Variants in ANXA13 observed in about 807,000 individuals in gnomAD.
ANXA13 encodes the protein annexin A13.
In ANXA13, 36 loss-of-function variants were observed where a neutral mutation model predicts 46.6. The observed-to-expected ratio is 0.77, with a 90% CI of 0.59 to 1.02. The LOEUF (loss-of-function observed/expected upper bound fraction) is 1.02, where lower values mean the gene tolerates loss of function less well. ANXA13 is among the 50% of genes least tolerant of loss of function. The probability of loss-of-function intolerance (pLI) is 0.00; values close to 1 mark genes in which losing one functional copy is unlikely to be tolerated. For synonymous variants in ANXA13, 163 were observed against 152.9 expected, an observed-to-expected ratio of 1.07 and a Z score of -0.49; for missense variants, 417 against 396.5, an observed-to-expected ratio of 1.05 and a Z score of -0.44.
At chr8:123,718,082 T>C (rs1160076171) in intron 1 of ANXA13, among the ~76,000 whole-genome samples, 3 of 152,338 alleles carry the variant, frequency 2.0e-5, no homozygotes, top group East Asian at 1.9e-4. Context: ...TTTTTTCGGA[T>C]CTCACTTAGA....
chr8:123,692,079 C>G (rs924445635), intron 8 of ANXA13, among the ~76,000 whole-genome samples: 5 of 152,222 alleles, frequency 3.3e-5, no homozygotes, highest in Non-Finnish European at 7.3e-5. Flanking sequence ...GGCTTATATA[C>G]AGTCATGATA....
At chr8:123,723,895 G>A (rs554312874) in intron 1 of ANXA13, among the ~76,000 whole-genome samples, 71 of 152,288 alleles carry the variant, frequency 4.7e-4, no homozygotes, top group Non-Finnish European at 7.9e-4. Context: ...CTTGGTAAAT[G>A]TTATCTTCTT....
chr8:123,734,544 C>T (rs567512035), intron 1 of ANXA13, among the ~76,000 whole-genome samples: 18 of 151,932 alleles, frequency 1.2e-4, no homozygotes, highest in Admixed American at 2.6e-4. Context: ...TTAATAGTGG[C>T]AAAAGAATTG....
intron 1 of ANXA13, among the ~76,000 whole-genome samples, chr8:123,732,875 A>G (rs141483517): frequency 2.0e-5 from 3 of 152,210 alleles, no homozygotes; most frequent in East Asian, 1.9e-4. Flanking sequence ...ACTTTCTGGG[A>G]TAATAGATTT....
intron 1 of ANXA13, among the ~76,000 whole-genome samples, chr8:123,724,309 C>A (rs1813941019): frequency 6.6e-6 from 1 of 152,082 alleles, no homozygotes; most frequent in Non-Finnish European, 1.5e-5. Context: ...AGGAAAGTGA[C>A]CTTGCCAAGA....
At chr8:123,729,656 A>G (rs1586342414) in intron 1 of ANXA13, among the ~76,000 whole-genome samples, 1 of 152,164 alleles carries the variant, frequency 6.6e-6, no homozygotes, top group Non-Finnish European at 1.5e-5. Context: ...TTGCTAATAC[A>G]TCCAGAGTAT....
chr8:123,703,745 C>T (rs1485290008), intron 2 of ANXA13, among the ~76,000 whole-genome samples: 1 of 152,050 alleles, frequency 6.6e-6, no homozygotes, highest in African/African-American at 2.4e-5. Flanking sequence ...GCTTTTTTAC[C>T]CCTGATGCTC....
chr8:123,693,520 C>T (rs1313710120), intron 7 of ANXA13, among the ~76,000 whole-genome samples, 191 bp downstream of exon 7: 2 of 152,008 alleles, frequency 1.3e-5, no homozygotes, highest in African/African-American at 2.4e-5. Context: ...GTGGTCAACC[C>T]CAGAGTATAA....
chr8:123,735,176 G>A (rs1025275835), intron 1 of ANXA13, among the ~76,000 whole-genome samples: 1 of 149,436 alleles, frequency 6.7e-6, no homozygotes, highest in Non-Finnish European at 1.5e-5. Context: ...GTTGAGCACA[G>A]CTATTGAATC....
chr8:123,712,475 T>G, intron 2 of ANXA13: 1 of 590,838 alleles, frequency 1.7e-6, no homozygotes, highest in Non-Finnish European at 3.0e-6. Context: ...CTCCTAGCTG[T>G]TATATAGAAT....
chr8:123,726,150 G>T (rs1813987390), intron 1 of ANXA13, among the ~76,000 whole-genome samples: 1 of 152,170 alleles, frequency 6.6e-6, no homozygotes, highest in Non-Finnish European at 1.5e-5. Context: ...AATGAGTTCA[G>T]TTCTTTAGAT....
Position 123,698,348 on chromosome 8 carries a change from T to A in ANXA13, c.357+41A>T, listed in dbSNP as rs1436886784. 1.9e-6 allele frequency: 3 copies of A among 1,604,492 alleles called. No homozygotes were observed. In the African/African-American group the frequency reaches 4.0e-5, roughly 21 times the overall value. On this transcript the variant is annotated intron_variant, in intron 4 of 10. Coordinates refer to ENST00000419625, the MANE Select transcript of ANXA13 (RefSeq NM_004306.4). The stretch of plus-strand genomic sequence containing the variant: ...TCTGGGGGGCTGCAACCATCTCTAT[T>A]GGGTGTGTGATGCTCCCTTGCGGGC...
At chr8:123,689,658 T>G (rs1813199057) in intron 8 of ANXA13, among the ~76,000 whole-genome samples, 1 of 152,162 alleles carries the variant, frequency 6.6e-6, no homozygotes, top group Non-Finnish European at 1.5e-5. Context: ...TTTCTAAATA[T>G]TTACAGAAGC....
intron 1 of ANXA13, among the ~76,000 whole-genome samples, chr8:123,717,227 CA>C (rs1318993709): frequency 6.6e-6 from 1 of 152,192 alleles, no homozygotes; most frequent in Non-Finnish European, 1.5e-5. Context: ...ACCATTTCCT[CA>C]TCTGTAAAAT....
At chr8:123,684,749 G>A (rs770265114) in intron 9 of ANXA13, 27 bp from the exon 10 acceptor site, 3 of 1,543,180 alleles carry the variant, frequency 1.9e-6, no homozygotes, top group South Asian at 2.2e-5. Context: ...AAAAGAGAAT[G>A]TGAGGCTTTC....
rs1157464936 is a variant in ANXA13 at position 123,737,388 on chromosome 8, A to T, written c.-54T>A. On this transcript the variant is annotated 5_prime_UTR_variant, in exon 1 of 11. Coordinates refer to ENST00000419625, the MANE Select transcript of ANXA13 (RefSeq NM_004306.4). ...ATTTCATCAAGAGATCAGTCCTCCT[A>T]CAGGCAAAGTTTACAACAGTTTTCC... 3 of 1,479,790 alleles carry T rather than the reference A, an allele frequency of 2.0e-6. No homozygotes were observed. The highest frequency in any genetic ancestry group is 2.8e-6 in the Non-Finnish European group (3 of 1,079,304). The allele number at this position is 1,479,790 out of a possible 1,614,324, so 91.7% of individuals were successfully genotyped here.
rs1449954593 is a variant in ANXA13 at position 123,690,137 on chromosome 8, G to A, written c.643-1191C>T. 6.6e-6 allele frequency among the ~76,000 whole-genome samples: 1 copy of A among 152,058 alleles called. No individual in the cohort carries two copies. Among genetic ancestry groups the A allele is most frequent in the Non-Finnish European group, 1.5e-5 (1 of 68,012 alleles). The stretch of plus-strand genomic sequence containing the variant: ...GATGTGGGAGTCATTATTTTGGAAG[G>A]GATTGGTATCCCTTTCCCAGAAACA... On this transcript the variant is annotated intron_variant, in intron 8 of 10. Transcript: ENST00000419625. This position sits in a 1 kb window ranked among gnomAD's most constrained non-coding sequence, Gnocchi z 4.6.
chr8:123,701,015 G>C (rs1813437735), intron 3 of ANXA13, among the ~76,000 whole-genome samples: 1 of 152,010 alleles, frequency 6.6e-6, no homozygotes, highest in Admixed American at 6.6e-5. Flanking sequence ...AGAGATGAAG[G>C]TCTCAACTGG....
Position 123,684,683 on chromosome 8 carries a change from C to G in ANXA13, c.758G>C (p.Arg253Pro). ...AQDCEDYFAE[R>P]LYKSMKGAGT... ...CGCACCCTTCATCGACTTGTACAGA[C>G]GTTCAGCAAAATAGTCCTCACAATC... is the stretch of plus-strand genomic sequence containing the variant. The change falls in exon 10 of 11, where the codon CGT (arginine) becomes CCT (proline). Residue 253 changes from arginine to proline, a missense_variant. Transcript: ENST00000419625. 6.2e-7 allele frequency: 1 copy of G among 1,614,106 alleles called. No individual in the cohort carries two copies. The highest frequency in any genetic ancestry group is 1.1e-5 in the South Asian group (1 of 91,082).
Sources: allele counts gnomAD v4.1 joint callset (sites outside exome capture counted in the v4.1 genomes callset), GRCh38; gene constraint gnomAD v4.1.1; non-coding constraint Gnocchi (gnomAD v3.1); transcripts MANE v1.5; gene names NCBI Gene and HGNC (gene_info 2026-07-23, HGNC 2026-07-21).